Variants in ETV4 observed in about 807,000 individuals in gnomAD.
ETV4 encodes ETS variant transcription factor 4, also known as ETS translocation variant 4.
ETV4 carries 42 observed loss-of-function variants against 65.9 expected under a neutral mutation model. The ratio of observed to expected loss-of-function variants is 0.64; its 90% confidence interval spans 0.50 to 0.82. ETV4 has a LOEUF of 0.82. Among genes scored for constraint, ETV4 ranks in the 40% least tolerant of loss-of-function variants. The probability of loss-of-function intolerance (pLI) is 0.00; values close to 1 mark genes in which losing one functional copy is unlikely to be tolerated. For synonymous variants in ETV4, 238 were observed against 260.0 expected (o/e 0.92, Z 0.81); for missense variants, 583 against 630.3 (o/e 0.92, Z 0.80).
chr17:43,529,814 G>C (rs554127438), intron 10 of ETV4, 70 bp downstream of exon 10: 1 of 1,598,764 alleles, frequency 6.3e-7, no homozygotes, highest in Non-Finnish European at 8.6e-7. Context: ...ACAATGAAAC[G>C]TGATGTGACT....
intron 5 of ETV4, among the ~76,000 whole-genome samples, chr17:43,535,972 G>A (rs926650464): frequency 7.9e-5 from 12 of 152,282 alleles, no homozygotes; most frequent in African/African-American, 2.4e-4. Context: ...TTAGCTGGGT[G>A]TGGTTGTGCA....
rs1970787847 is a variant in ETV4, at chr17:43,529,693, TAGG to T, written c.956-20_956-18del. The T allele has an allele frequency of 2.5e-6, 4 of 1,600,362 alleles. No individual in the cohort carries two copies. Among genetic ancestry groups the T allele is most frequent in the Non-Finnish European group, 2.6e-6 (3 of 1,171,592 alleles). On this transcript the variant is annotated intron_variant, in intron 10 of 12. Transcript: ENST00000319349. Reference sequence around the variant, plus strand: ...TGATGTCTCCTGGGGAACACGAAAATAGGAGGTGTGGGGTTTGTGTCTTTTGGT... The same window carrying T: ...TGATGTCTCCTGGGGAACACGAAAATAGGTGTGGGGTTTGTGTCTTTTGGT...
intron 5 of ETV4, among the ~76,000 whole-genome samples, chr17:43,535,518 CCA>C (rs1971193976): frequency 6.6e-6 from 1 of 152,112 alleles, no homozygotes; most frequent in African/African-American, 2.4e-5. Context: ...CTCATGTGAT[CCA>C]CGCGCCTCAG....
chr17:43,530,052 C>T (rs1970821838), intron 9 of ETV4, 55 bp downstream of exon 9: 1 of 1,610,632 alleles, frequency 6.2e-7, no homozygotes. Context: ...TCCCCCATGG[C>T]AGCGCTCCCT....
At chr17:43,540,638 C>A (rs2154587234) in intron 4 of ETV4, among the ~76,000 whole-genome samples, 1 of 152,208 alleles carries the variant, frequency 6.6e-6, no homozygotes, top group South Asian at 2.1e-4. Context: ...AACTCCTGGG[C>A]TCAGGTAATC....
rs374306817 is a variant in ETV4 at position 43,529,538 on chromosome 17, C to T, written c.1094G>A (p.Arg365Gln). The T allele has an allele frequency of 3.7e-5, 59 of 1,613,604 alleles. No individual in the cohort carries two copies. Among genetic ancestry groups the T allele is most frequent in the Admixed American group, 3.2e-4 (19 of 59,944 alleles). ...TNAHFIAWTG[R>Q]GMEFKLIEPE... ...CTCAATGAGCTTGAACTCCATTCCCCGGCCCGTCCAGGCAATGAAATGGGC... is the reference window on the plus strand; with the variant it reads ...CTCAATGAGCTTGAACTCCATTCCCTGGCCCGTCCAGGCAATGAAATGGGC... Residue 365 changes from arginine (R) to glutamine (Q), a missense_variant, in exon 11 of 13, where the codon CGG (arginine) becomes CAG (glutamine). Arg to Gln is a conservative substitution (Grantham distance 43, BLOSUM62 1). Coordinates refer to ENST00000319349, the MANE Select transcript of ETV4 (RefSeq NM_001079675.5).
intron 1 of ETV4, chr17:43,545,919 TC>T (rs1166489854): frequency 3.9e-6 from 2 of 515,650 alleles, no homozygotes; most frequent in African/African-American, 4.1e-5. Context: ...TTACCCGGGC[TC>T]GGTTACATAA....
chr17:43,535,121 G>A (rs1186098561), intron 5 of ETV4, among the ~76,000 whole-genome samples: 1 of 152,198 alleles, frequency 6.6e-6, no homozygotes, highest in Non-Finnish European at 1.5e-5. Context: ...CAAAGAGTTG[G>A]TTCCAAGCCG....
chr17:43,545,569 T>A lies in ETV4; in HGVS notation c.49A>T (p.Thr17Ser). ...AGYLDQQVPY[T>S]FSSKSPGNGS... ...GGCGCGGCGCTCACGCTGCTGAAGG[T>A]GTAGGGCACTTGCTGGTCCAAGTAT... Residue 17 changes from threonine to serine, a missense_variant, in exon 2 of 13, where the codon ACC (threonine) becomes TCC (serine). Physicochemically the swap from Thr to Ser is moderately conservative, Grantham distance 58. Coordinates refer to ENST00000319349, the MANE Select transcript of ETV4 (RefSeq NM_001079675.5). 6.5e-7 allele frequency: 1 copy of A among 1,549,290 alleles called. No homozygotes were observed. The highest frequency in any genetic ancestry group is 1.2e-5 in the South Asian group (1 of 83,990).
At chr17:43,542,888 C>T (rs567631211) in intron 4 of ETV4, among the ~76,000 whole-genome samples, 1 of 152,114 alleles carries the variant, frequency 6.6e-6, no homozygotes, top group African/African-American at 2.4e-5. Flanking sequence ...CCTCCTAATG[C>T]GTCCCACCAC....
intron 4 of ETV4, among the ~76,000 whole-genome samples, chr17:43,543,160 G>A (rs1971608069): frequency 6.6e-6 from 1 of 151,842 alleles, no homozygotes; most frequent in Non-Finnish European, 1.5e-5. Flanking sequence ...GAAGGAGAGG[G>A]AACCAAGGAG....
At chr17:43,531,516 C>G (rs1309426179) in intron 8 of ETV4, among the ~76,000 whole-genome samples, 1 of 152,158 alleles carries the variant, frequency 6.6e-6, no homozygotes, top group African/African-American at 2.4e-5. Context: ...CCAGCTTGAT[C>G]AACATGGTGA....
chr17:43,539,722 GCAGGCTCCCCCTCTCCA>G, intron 4 of ETV4, among the ~76,000 whole-genome samples: 1 of 152,284 alleles, frequency 6.6e-6, no homozygotes, highest in African/African-American at 2.4e-5. Context: ...GCCCTTCCCT[GCAGGCTCCCCCTCTCCA>G]CACACAAGGC....
At chr17:43,532,586 A>T in intron 8 of ETV4, 88 bp downstream of exon 8, 1 of 1,244,498 alleles carries the variant, frequency 8.0e-7, no homozygotes, top group Non-Finnish European at 1.1e-6. Flanking sequence ...ATGAAATGGT[A>T]AACAGCAATG....
At chr17:43,542,081 A>G (rs1159924590) in intron 4 of ETV4, among the ~76,000 whole-genome samples, 1 of 152,096 alleles carries the variant, frequency 6.6e-6, no homozygotes, top group East Asian at 1.9e-4. Flanking sequence ...ACCTACAAAT[A>G]TGATTGGGAC....
intron 12 of ETV4, 127 bp downstream of exon 12, chr17:43,529,008 G>A: frequency 1.1e-6 from 1 of 943,892 alleles, no homozygotes; most frequent in East Asian, 2.4e-5. Context: ...ACAATTTCTT[G>A]TCTCTCTGAC....
At chr17:43,545,079 G>A (rs1174475282) in intron 3 of ETV4, 57 bp from the exon 4 acceptor site, 6 of 1,568,912 alleles carry the variant, frequency 3.8e-6, no homozygotes, top group African/African-American at 2.7e-5. Flanking sequence ...AGAGAGAAGG[G>A]GCCCTAGCAA....
rs750635016 is a variant in ETV4, at chr17:43,528,477, A to G, written c.*42T>C. The G allele has an allele frequency of 1.8e-5, 25 of 1,356,716 alleles. No individual in the cohort carries two copies. The highest frequency in any genetic ancestry group is 5.0e-4 in the Middle Eastern group (2 of 3,996). The allele number at this position is 1,356,716 out of a possible 1,614,324, so 84.0% of individuals were successfully genotyped here. A position where few individuals can be genotyped will look rare whatever the true frequency, so the allele number is the denominator to read the frequency against. On this transcript the variant is annotated 3_prime_UTR_variant, in exon 13 of 13. Transcript: ENST00000319349. ...ACACCAGATTCATTTATATGTACAC[A>G]GGGCAGCACCCACCTGCGGCAGGGG...
At chr17:43,541,943 A>G (rs995582836) in intron 4 of ETV4, among the ~76,000 whole-genome samples, 3 of 152,158 alleles carry the variant, frequency 2.0e-5, no homozygotes, top group Non-Finnish European at 4.4e-5. Context: ...ACCAGTGTAC[A>G]TGCACTCGGA....
Sources: gnomAD v4.1 joint callset for allele counts (sites outside exome capture counted in the v4.1 genomes callset) on GRCh38, gnomAD v4.1.1 for gene constraint, MANE v1.5 for transcripts, NCBI Gene and HGNC (gene_info 2026-07-23, HGNC 2026-07-21) for gene names.